Variants in RNF150 observed in about 807,000 individuals in gnomAD.
RNF150 encodes ring finger protein 150.
In RNF150, 24 loss-of-function variants were observed where a neutral mutation model predicts 39.3. That is an observed-to-expected ratio of 0.61 (90% confidence interval 0.44 to 0.86). The LOEUF is 0.86. Among genes scored for constraint, RNF150 ranks in the 40% least tolerant of loss-of-function variants. RNF150 has a pLI of 0.00. For missense variants in RNF150, 502 were observed against 587.8 expected (o/e 0.85, Z 1.51); for synonymous variants, 255 against 227.3 (o/e 1.12, Z -1.10).
chr4:141,172,001 T>C (rs1727736626), intron 1 of RNF150, among the ~76,000 whole-genome samples: 3 of 152,252 alleles, frequency 2.0e-5, no homozygotes. Context: ...GCATATCATA[T>C]ACATTTGTAC....
chr4:140,979,342 T>C (rs546748122), intron 1 of RNF150, among the ~76,000 whole-genome samples: 1 of 152,114 alleles, frequency 6.6e-6, no homozygotes, highest in East Asian at 1.9e-4. Context: ...ATATCATAAA[T>C]GAAATTAAAT....
At chr4:140,901,459 C>CT (rs1730184065) in intron 6 of RNF150, among the ~76,000 whole-genome samples, 1 of 152,138 alleles carries the variant, frequency 6.6e-6, no homozygotes. Context: ...TTGTTAGTGC[C>CT]TTGGTCCAGG....
chr4:140,992,380 A>G (rs1357565873), intron 1 of RNF150, among the ~76,000 whole-genome samples: 1 of 152,106 alleles, frequency 6.6e-6, no homozygotes, highest in Non-Finnish European at 1.5e-5. Flanking sequence ...ACAAAATAAC[A>G]ATAATAATGA....
At chr4:140,921,096 G>A (rs568580127) in intron 5 of RNF150, among the ~76,000 whole-genome samples, 3 of 150,030 alleles carry the variant, frequency 2.0e-5, no homozygotes, top group African/African-American at 7.4e-5. Context: ...CGAGTTAATG[G>A]GTGCAGCACA....
intron 1 of RNF150, among the ~76,000 whole-genome samples, chr4:141,018,426 CCA>C (rs1259383931): frequency 3.9e-5 from 6 of 152,094 alleles, no homozygotes; most frequent in Non-Finnish European, 7.4e-5. Context: ...TGTGAAACCC[CCA>C]GTGTTTCTTT....
intron 1 of RNF150, among the ~76,000 whole-genome samples, chr4:141,176,831 A>G (rs998257164): frequency 2.0e-5 from 3 of 152,156 alleles, no homozygotes; most frequent in Non-Finnish European, 4.4e-5. Flanking sequence ...TTACACTTAC[A>G]TATGAAACTA....
At chr4:141,084,600 G>C (rs762486808) in intron 1 of RNF150, among the ~76,000 whole-genome samples, 1 of 152,166 alleles carries the variant, frequency 6.6e-6, no homozygotes, top group Non-Finnish European at 1.5e-5. Flanking sequence ...TAAAGGACGC[G>C]CAGGCTTCTG....
At position 141,192,373 on chromosome 4, in the gene RNF150, C is replaced by T. The variant is rs556517713; in HGVS notation, c.-6+20421G>A. 1.3e-3 allele frequency among the ~76,000 whole-genome samples: 194 copies of T among 152,112 alleles called. 2 individuals carry two copies. In the Middle Eastern group the frequency reaches 0.017, roughly 13 times the overall value. ...GTTACTTAAAAGTACACAGAGTATT[C>T]GATAGTGAATAAAATGGAACAATCT... On this transcript the variant is annotated intron_variant, in intron 1 of 7. Transcript: ENST00000420921.
intron 5 of RNF150, among the ~76,000 whole-genome samples, chr4:140,921,215 CGCTA>C (rs780454056): frequency 2.0e-5 from 3 of 150,674 alleles, no homozygotes; most frequent in Admixed American, 6.6e-5. Context: ...ATTGATAGAC[CGCTA>C]GCAAGACTAA....
intron 1 of RNF150, among the ~76,000 whole-genome samples, chr4:141,143,348 C>G (rs1727151666): frequency 6.6e-6 from 1 of 152,148 alleles, no homozygotes; most frequent in African/African-American, 2.4e-5. Context: ...GGCAATGCTA[C>G]CCACTCCAGC....
intron 1 of RNF150, among the ~76,000 whole-genome samples, chr4:141,110,534 T>C (rs1413536826): frequency 6.9e-6 from 1 of 145,720 alleles, no homozygotes; most frequent in Non-Finnish European, 1.5e-5. Context: ...CAAGTGATCT[T>C]CCCACGTAGC....
In RNF150 at chr4:140,930,582, G is replaced by A. The variant is rs557174193; in HGVS notation, c.891-4509C>T. On this transcript the variant is annotated intron_variant, in intron 4 of 6. Coordinates refer to ENST00000515673, the MANE Select transcript of RNF150 (RefSeq NM_020724.2). The stretch of plus-strand genomic sequence containing the variant: ...TAGCACTCCTCCCTGCCTCCACATG[G>A]TCAAGTCTCATTCATGCACTCTTCC... Among the ~76,000 whole-genome samples, 12 of 152,270 alleles carry A rather than the reference G, an allele frequency of 7.9e-5. No homozygotes were observed. The South Asian group carries it at 2.5e-3, about 32-fold the overall frequency.
At chr4:140,899,972 C>CTGTGTG (rs1208364964) in intron 6 of RNF150, among the ~76,000 whole-genome samples, 52 of 69,862 alleles carry the variant, frequency 7.4e-4, no homozygotes, top group African/African-American at 2.2e-3. Flanking sequence ...CTCTCTCTCT[C>CTGTGTG]TCTGTGTGTG....
intron 5 of RNF150, among the ~76,000 whole-genome samples, chr4:140,922,021 G>A (rs1004265344): frequency 1.9e-5 from 2 of 106,622 alleles, no homozygotes; most frequent in African/African-American, 6.6e-5. Context: ...CATATTGAAT[G>A]GGCAAAAACT....
intron 1 of RNF150, among the ~76,000 whole-genome samples, chr4:140,974,501 C>A (rs1733590176): frequency 6.6e-6 from 1 of 152,158 alleles, no homozygotes; most frequent in Non-Finnish European, 1.5e-5. Flanking sequence ...ATGTTCATAT[C>A]TCTGGGATGA....
intron 1 of RNF150, among the ~76,000 whole-genome samples, chr4:141,153,361 T>C (rs1418807677): frequency 2.0e-5 from 3 of 152,150 alleles, no homozygotes; most frequent in African/African-American, 7.2e-5. Context: ...CCAGTTTCGC[T>C]GATGTCCCTA....
At chr4:141,090,250 C>A (rs1347004192) in intron 1 of RNF150, among the ~76,000 whole-genome samples, 3 of 152,174 alleles carry the variant, frequency 2.0e-5, no homozygotes, top group African/African-American at 7.2e-5. Context: ...GAGTAAAATT[C>A]TATGCTTCAT....
intron 1 of RNF150, among the ~76,000 whole-genome samples, chr4:141,026,216 T>A (rs755890331): frequency 1.3e-5 from 2 of 152,116 alleles, no homozygotes; most frequent in Non-Finnish European, 2.9e-5. Context: ...TAACATTACA[T>A]GTCAGCTACT....
chr4:141,040,853 G>C (rs1186681232), intron 1 of RNF150, among the ~76,000 whole-genome samples: 2 of 152,094 alleles, frequency 1.3e-5, no homozygotes, highest in African/African-American at 4.8e-5. Context: ...AATGTCTATA[G>C]ATAATGTTTT....
Sources: allele counts gnomAD v4.1 joint callset (sites outside exome capture counted in the v4.1 genomes callset), GRCh38; gene constraint gnomAD v4.1.1; transcripts MANE v1.5; gene names NCBI Gene and HGNC (gene_info 2026-07-23, HGNC 2026-07-21).